ASB2: variants seen among roughly 807,000 people sequenced by gnomAD.
ASB2 encodes the protein ankyrin repeat and SOCS box containing 2, also known as ankyrin repeat and SOCS box protein 2.
Under a neutral mutation model 62.4 loss-of-function variants are expected in ASB2, and 58 were observed. That is an observed-to-expected ratio of 0.93 (90% CI 0.75 to 1.16). The LOEUF (loss-of-function observed/expected upper bound fraction) is 1.16. ASB2 is among the 50% of genes most tolerant of loss of function. The probability of loss-of-function intolerance (pLI) is 0.00; values close to 1 mark genes in which losing one functional copy is unlikely to be tolerated. For synonymous variants in ASB2, 386 were observed against 385.3 expected (o/e 1.00, Z -0.02); for missense variants, 928 against 887.9 (o/e 1.05, Z -0.57).
intron 9 of ASB2, among the ~76,000 whole-genome samples, chr14:93,937,140 T>C (rs1278053305): frequency 6.6e-6 from 1 of 152,198 alleles, no homozygotes; most frequent in Non-Finnish European, 1.5e-5. Context: ...CTGGCAAGGC[T>C]GGCTCCAGGG....
chr14:93,976,246 C>T lies in ASB2; in HGVS notation c.-74+188G>A, dbSNP rs542744618. Among the ~76,000 whole-genome samples the T allele has an allele frequency of 3.9e-4, 60 of 152,306 alleles. 1 individual carries two copies. Among genetic ancestry groups the T allele is most frequent in the South Asian group, 1.9e-3 (9 of 4,828 alleles). On this transcript the variant is annotated intron_variant, in intron 1 of 9. Transcript: ENST00000555019. ...GGTAAGTACATGCAAATTGCTGAGTCTCTGTTCATTGCATCCAAAACGAAA... is the reference window on the plus strand; with the variant it reads ...GGTAAGTACATGCAAATTGCTGAGTTTCTGTTCATTGCATCCAAAACGAAA...
At chr14:93,965,482 G>A (rs1261772134) in intron 1 of ASB2, among the ~76,000 whole-genome samples, 1 of 152,192 alleles carries the variant, frequency 6.6e-6, no homozygotes, top group Non-Finnish European at 1.5e-5. Context: ...AACGTCCCAT[G>A]TTAATTCCAG....
chr14:93,965,686 T>C (rs1889567350), intron 1 of ASB2, among the ~76,000 whole-genome samples: 2 of 152,196 alleles, frequency 1.3e-5, no homozygotes, highest in Non-Finnish European at 2.9e-5. Flanking sequence ...CGAATACCAG[T>C]GCATTACTTT....
intron 4 of ASB2, 137 bp from the exon 5 acceptor site, chr14:93,953,644 A>G (rs559985116): frequency 1.3e-6 from 1 of 750,058 alleles, no homozygotes; most frequent in South Asian, 2.5e-5. Flanking sequence ...GACTGCATTC[A>G]TCTGGCCCTT....
chr14:93,959,355 C>T lies in ASB2; in HGVS notation c.207-2485G>A, dbSNP rs567222590. Among the ~76,000 whole-genome samples, 19 of 152,300 alleles carry T rather than the reference C, an allele frequency of 1.2e-4. 1 individual carries two copies. The highest frequency in any genetic ancestry group is 3.8e-4 in the African/African-American group (16 of 41,566). ...GGCTCATTCTGGGAGCACTGAGATC[C>T]GAGTGCATCCACTGGCTTTGGGGCT... On this transcript the variant is annotated intron_variant, in intron 2 of 9. Coordinates refer to ENST00000555019, the MANE Select transcript of ASB2 (RefSeq NM_001202429.2).
intron 7 of ASB2, among the ~76,000 whole-genome samples, chr14:93,943,246 T>C (rs1888598137): frequency 6.6e-6 from 1 of 152,236 alleles, no homozygotes; most frequent in Non-Finnish European, 1.5e-5. Context: ...CTTGGTATCT[T>C]GACCACCACC....
At chr14:93,953,953 C>A (rs1429241652) in intron 4 of ASB2, among the ~76,000 whole-genome samples, 1 of 152,158 alleles carries the variant, frequency 6.6e-6, no homozygotes, top group Non-Finnish European at 1.5e-5. Flanking sequence ...TCCCGCGGTC[C>A]CACAGCAGGT....
intron 7 of ASB2, 146 bp downstream of exon 7, chr14:93,947,203 T>C (rs189005427): frequency 2.5e-6 from 2 of 801,250 alleles, no homozygotes; most frequent in Non-Finnish European, 3.9e-6. Flanking sequence ...CTCCTTTCCA[T>C]GGGAAAGGTG....
intron 3 of ASB2, among the ~76,000 whole-genome samples, chr14:93,956,092 T>A (rs1315136478): frequency 6.6e-6 from 1 of 152,148 alleles, no homozygotes; most frequent in Non-Finnish European, 1.5e-5. Context: ...GAAATGCAGT[T>A]CCAGTGATAG....
intron 8 of ASB2, 137 bp downstream of exon 8, chr14:93,938,971 C>G (rs1888384406): frequency 1.3e-6 from 1 of 789,272 alleles, no homozygotes; most frequent in Non-Finnish European, 1.8e-6. Flanking sequence ...CCCACTTCCC[C>G]CGAAGGGTGT....
intron 1 of ASB2, among the ~76,000 whole-genome samples, chr14:93,973,275 C>T (rs1053814072): frequency 8.5e-5 from 13 of 152,200 alleles, no homozygotes; most frequent in Non-Finnish European, 1.5e-4. Context: ...TGAAATGGAG[C>T]GCCTCTTGCT....
In ASB2 at chr14:93,951,265, G is replaced by A. The variant is rs187314566; in HGVS notation, c.635-21C>T. On this transcript the variant is annotated intron_variant, in intron 5 of 9. Transcript: ENST00000555019. ...GCAGGCTGTGCTCAGGGGGAAGCAG[G>A]GATGGTCAGCAGGGCCTGGCAGGAA... 5.7e-4 allele frequency: 892 copies of A among 1,576,418 alleles called. 3 individuals carry two copies. In the African/African-American group the frequency reaches 0.011, roughly 19 times the overall value.
intron 7 of ASB2, chr14:93,941,747 G>A: frequency 2.2e-6 from 1 of 451,612 alleles, no homozygotes; most frequent in East Asian, 7.0e-5. Flanking sequence ...TCTCTGGCAG[G>A]TCACAGCTGG....
Position 93,947,232 on chromosome 14 carries a change from C to T in ASB2, c.1052+117G>A, listed in dbSNP as rs375091172. On this transcript the variant is annotated intron_variant, in intron 7 of 9. Transcript: ENST00000555019. ...AAAGGTGATGTCCATTCTGACCTCT[C>T]CTGGGCCTCCCTAATCCTGTGGGTG... 1.4e-4 allele frequency: 156 copies of T among 1,153,274 alleles called. 1 individual carries two copies. The highest frequency in any genetic ancestry group is 1.0e-3 in the East Asian group (44 of 42,060). The allele number at this position is 1,153,274 out of a possible 1,614,324, so 71.4% of individuals were successfully genotyped here.
rs185244720 is a variant in ASB2, at chr14:93,971,707, A to G, written c.-74+4727T>C. On this transcript the variant is annotated intron_variant, in intron 1 of 9. Transcript: ENST00000555019. ...CATATTTGTCTTTAGTTTGAACCACATAATAAATCTATAAGCGTATTATAG... is the reference window on the plus strand; with the variant it reads ...CATATTTGTCTTTAGTTTGAACCACGTAATAAATCTATAAGCGTATTATAG... Among the ~76,000 whole-genome samples, 128 of 152,286 alleles carry G rather than the reference A, an allele frequency of 8.4e-4. 1 individual carries two copies. The highest frequency in any genetic ancestry group is 2.8e-3 in the African/African-American group (118 of 41,546).
chr14:93,960,260 C>CAAT (rs1889363064), intron 2 of ASB2, among the ~76,000 whole-genome samples: 1 of 152,200 alleles, frequency 6.6e-6, no homozygotes, highest in Non-Finnish European at 1.5e-5. Flanking sequence ...TCCAGGGTCC[C>CAAT]TCTGTAACTG....
At chr14:93,954,998 T>A in intron 3 of ASB2, 1 of 454,310 alleles carries the variant, frequency 2.2e-6, no homozygotes, top group South Asian at 1.6e-5. Flanking sequence ...CTTCTGAATG[T>A]CAAAAAGATT....
intron 2 of ASB2, 99 bp from the exon 3 acceptor site, chr14:93,956,969 G>A (rs777796672): frequency 4.4e-6 from 7 of 1,576,020 alleles, no homozygotes; most frequent in South Asian, 3.5e-5. Flanking sequence ...GGAGAGCCAG[G>A]GAGAGACTGA....
Position 93,939,410 on chromosome 14 carries a change from G to A in ASB2, c.1315C>T (p.Arg439Cys). The change falls in exon 8 of 10, where the codon CGC becomes TGC. Residue 439 changes from arginine to cysteine, a missense_variant. Arg to Cys is a radical substitution (Grantham distance 180). Transcript: ENST00000555019. Reference sequence around the variant, plus strand: ...ACGAGCAAGGGGCTGATGACGTCGCGGTTGGGGTCGGCGCCGTGTTGCAGC... The same window carrying A: ...ACGAGCAAGGGGCTGATGACGTCGCAGTTGGGGTCGGCGCCGTGTTGCAGC... ...LLLQHGADPN[R>C]DVISPLLVAI... is the part of the protein sequence containing the mutation. The A allele has an allele frequency of 1.2e-6, 2 of 1,612,872 alleles. No homozygotes were observed. The highest frequency in any genetic ancestry group is 1.3e-5 in the African/African-American group (1 of 75,060).
Sources: allele counts gnomAD v4.1 joint callset (sites outside exome capture counted in the v4.1 genomes callset), GRCh38; gene constraint gnomAD v4.1.1; transcripts MANE v1.5; gene names NCBI Gene and HGNC (gene_info 2026-07-23, HGNC 2026-07-21).